Variants in OTOA observed in about 807,000 individuals in gnomAD.
OTOA encodes cancer/testis antigen 108.
OTOA carries 70 observed loss-of-function variants against 110.8 expected under a neutral mutation model. That is an observed-to-expected ratio of 0.63 (90% CI 0.52 to 0.77). OTOA has a LOEUF of 0.77. Ranked by LOEUF, OTOA falls within the 30% of genes least tolerant of loss-of-function variation. The pLI, the probability that OTOA is intolerant of heterozygous loss-of-function variation, is 0.00. For synonymous variants in OTOA, 373 were observed against 431.5 expected (o/e 0.86, Z 1.68); for missense variants, 917 against 1,075.8 (o/e 0.85, Z 2.06).
At chr16:21,716,816 G>A in intron 14 of OTOA, 91 bp from the exon 15 acceptor site, 6 of 1,512,286 alleles carry the variant, frequency 4.0e-6, no homozygotes, top group Middle Eastern at 2.3e-4. Context: ...GGGTCTGATG[G>A]ATTTTATTGC....
intron 9 of OTOA, among the ~76,000 whole-genome samples, chr16:21,694,283 T>A (rs932802772): frequency 2.0e-5 from 3 of 151,932 alleles, no homozygotes; most frequent in Non-Finnish European, 2.9e-5. Context: ...TCTTAAAAAA[T>A]TTTTTAAAAA....
In OTOA at chr16:21,665,013, T is replaced by TAAATAAATAAAC. The variant is rs1472493254; in HGVS notation, c.-5+784_-5+785insTAAATAAACAAA. Among the ~76,000 whole-genome samples the TAAATAAATAAAC allele has an allele frequency of 1.5e-3, 228 of 151,560 alleles. 4 individuals carry two copies. Among genetic ancestry groups the TAAATAAATAAAC allele is most frequent in the African/African-American group, 5.4e-3 (220 of 41,108 alleles). On this transcript the variant is annotated intron_variant, in intron 1 of 28. Transcript: ENST00000646100. Reference sequence around the variant, plus strand: ...ATAAATAAATAAATAAATAAATAAATAAACAAATAAAGTTGATAGTTTTTT... The same window carrying TAAATAAATAAAC: ...ATAAATAAATAAATAAATAAATAAATAAATAAATAAACAAACAAATAAAGTTGATAGTTTTTT...
chr16:21,760,710 A>G lies in OTOA; in HGVS notation c.*170A>G, dbSNP rs1567412755. Reference sequence around the variant, plus strand: ...GCACCCCAAATGAAAAATAATTATTAAAAATGATCTTGCAAATTATTTTTA... The same window carrying G: ...GCACCCCAAATGAAAAATAATTATTGAAAATGATCTTGCAAATTATTTTTA... On this transcript the variant is annotated 3_prime_UTR_variant, in exon 29 of 29. Coordinates refer to ENST00000646100, the MANE Select transcript of OTOA (RefSeq NM_144672.4). 2.1e-6 allele frequency: 1 copy of G among 473,602 alleles called. No individual in the cohort carries two copies. The highest frequency in any genetic ancestry group is 3.7e-6 in the Non-Finnish European group (1 of 266,776). 29.3% of individuals were successfully genotyped at this position (473,602 alleles called of 1,614,324 possible).
chr16:21,684,057 T>C (rs1235855044), intron 6 of OTOA, among the ~76,000 whole-genome samples: 1 of 151,946 alleles, frequency 6.6e-6, no homozygotes, highest in Non-Finnish European at 1.5e-5. Context: ...GTGGGCCACC[T>C]TGCCTGGCAA....
rs146556995 is a variant in OTOA, at chr16:21,669,573, G to A, written c.-5+5341G>A. On this transcript the variant is annotated intron_variant, in intron 1 of 28. Coordinates refer to ENST00000646100, the MANE Select transcript of OTOA (RefSeq NM_144672.4). ...CTTCCCTAAACTTGGAACTCCTATG[G>A]TTTTCCCATCTCCCTCTCTACATGC... 6.0e-4 allele frequency among the ~76,000 whole-genome samples: 92 copies of A among 152,170 alleles called. 1 individual carries two copies. Among genetic ancestry groups the A allele is most frequent in the African/African-American group, 2.0e-3 (82 of 41,516 alleles).
chr16:21,711,179 G>T (rs1045515655), intron 13 of OTOA, among the ~76,000 whole-genome samples: 9 of 152,190 alleles, frequency 5.9e-5, no homozygotes, highest in Admixed American at 5.2e-4. Flanking sequence ...ACTCATCCCA[G>T]GATTTTCCTG....
At chr16:21,758,343 G>A (rs1478199145) in intron 28 of OTOA, among the ~76,000 whole-genome samples, 1 of 148,834 alleles carries the variant, frequency 6.7e-6, no homozygotes, top group East Asian at 2.0e-4. Context: ...GGGAAGACAT[G>A]TACCCTGGTG....
At chr16:21,706,962 G>T (rs190282796) in intron 12 of OTOA, among the ~76,000 whole-genome samples, 1 of 149,564 alleles carries the variant, frequency 6.7e-6, no homozygotes, top group South Asian at 2.1e-4. Flanking sequence ...TCAGCTCATT[G>T]CAACCTTCGC....
chr16:21,733,863 G>A (rs1165958470), intron 21 of OTOA, among the ~76,000 whole-genome samples: 3 of 152,112 alleles, frequency 2.0e-5, no homozygotes, highest in Admixed American at 6.5e-5. Context: ...GCAGTGGCAC[G>A]ATTTCGGCTC....
chr16:21,685,380 C>G lies in OTOA; in HGVS notation c.399+19C>G. The G allele has an allele frequency of 2.5e-6, 4 of 1,608,386 alleles. No individual in the cohort carries two copies. In the South Asian group the frequency reaches 3.3e-5, roughly 13 times the overall value. On this transcript the variant is annotated intron_variant, in intron 7 of 28. Transcript: ENST00000646100. Reference sequence around the variant, plus strand: ...CGGCTTGGTGAGGAGCCCTTGGCATCCCGGGGATAGAGGAAGTCCAGCACC... The same window carrying G: ...CGGCTTGGTGAGGAGCCCTTGGCATGCCGGGGATAGAGGAAGTCCAGCACC...
chr16:21,736,413 A>C (rs759952426), intron 22 of OTOA, 23 bp downstream of exon 22: 1 of 1,613,946 alleles, frequency 6.2e-7, no homozygotes, highest in African/African-American at 1.3e-5. Context: ...AGGGTATCTG[A>C]GCCATTGCTG....
intron 18 of OTOA, among the ~76,000 whole-genome samples, chr16:21,726,309 G>A (rs1898914399): frequency 6.6e-6 from 1 of 152,018 alleles, no homozygotes; most frequent in Non-Finnish European, 1.5e-5. Context: ...ATTCATGGAA[G>A]AGGAGCATGA....
chr16:21,705,435 A>C, intron 12 of OTOA, 143 bp downstream of exon 12: 767 of 1,179,730 alleles, frequency 6.5e-4, no homozygotes, highest in Non-Finnish European at 8.6e-4. Flanking sequence ...ATGGCATCTC[A>C]AATACTGAGG....
At chr16:21,702,227 G>A (rs748094720) in intron 11 of OTOA, among the ~76,000 whole-genome samples, 16 of 152,314 alleles carry the variant, frequency 1.1e-4, no homozygotes, top group Middle Eastern at 6.8e-3. Flanking sequence ...TGAGATTACA[G>A]GCGTGAGCCA....
chr16:21,710,201 C>T (rs774469932), intron 13 of OTOA, 98 bp downstream of exon 13: 146 of 1,207,432 alleles, frequency 1.2e-4, no homozygotes, highest in Non-Finnish European at 1.5e-4. Flanking sequence ...GATTGAGTGA[C>T]GTAAACAACA....
Position 21,722,194 on chromosome 16 carries a change from G to A in OTOA, c.1807-711G>A, listed in dbSNP as rs555475248. ...GGAGAACTGCTTGAACCTGGAAGGCGGAGGTTGCAGTGAGCTGAGATTACA... is the reference window on the plus strand; with the variant it reads ...GGAGAACTGCTTGAACCTGGAAGGCAGAGGTTGCAGTGAGCTGAGATTACA... On this transcript the variant is annotated intron_variant, in intron 17 of 28. Transcript: ENST00000646100. 4.0e-5 allele frequency among the ~76,000 whole-genome samples: 6 copies of A among 150,270 alleles called. No homozygotes were observed. In the South Asian group the frequency reaches 6.3e-4, roughly 16 times the overall value.
intron 6 of OTOA, among the ~76,000 whole-genome samples, chr16:21,682,907 T>C (rs1022436370): frequency 3.3e-5 from 5 of 152,226 alleles, no homozygotes; most frequent in Admixed American, 6.5e-5. Context: ...GAGGTGGCTG[T>C]TGGCCCCACA....
intron 5 of OTOA, 81 bp downstream of exon 5, chr16:21,679,292 A>C: frequency 7.0e-7 from 1 of 1,438,124 alleles, no homozygotes; most frequent in Middle Eastern, 1.8e-4. Context: ...TAATTGTAAA[A>C]AGTAATATGT....
chr16:21,697,416 T>C (rs990286858), intron 9 of OTOA, among the ~76,000 whole-genome samples: 4 of 152,050 alleles, frequency 2.6e-5, no homozygotes, highest in African/African-American at 9.7e-5. Flanking sequence ...GCAGATCACC[T>C]GAGGTCAGGA....
Sources: gnomAD v4.1 joint callset for allele counts (sites outside exome capture counted in the v4.1 genomes callset) on GRCh38, gnomAD v4.1.1 for gene constraint, MANE v1.5 for transcripts, NCBI Gene and HGNC (gene_info 2026-07-23, HGNC 2026-07-21) for gene names.